PKNOX2: variants seen among roughly 807,000 people sequenced by gnomAD.
PKNOX2 encodes the protein PBX/knotted 1 homeobox 2.
PKNOX2 carries 14 observed loss-of-function variants against 53.1 expected under a neutral mutation model. The ratio of observed to expected loss-of-function variants is 0.26; its 90% CI spans 0.17 to 0.41. PKNOX2 has a LOEUF of 0.41. Among genes scored for constraint, PKNOX2 ranks in the 10% least tolerant of loss-of-function variants. The pLI, the probability that PKNOX2 is intolerant of heterozygous loss-of-function variation, is 1.00. For synonymous variants in PKNOX2, 257 were observed against 242.8 expected (o/e 1.06, Z -0.54); for missense variants, 496 against 602.8 (o/e 0.82, Z 1.85).
intron 1 of PKNOX2, among the ~76,000 whole-genome samples, chr11:125,202,227 G>A (rs1016464384): frequency 2.6e-5 from 4 of 152,130 alleles, no homozygotes; most frequent in Non-Finnish European, 5.9e-5. Flanking sequence ...CCCCCATCTC[G>A]CTGCAGACAT....
intron 2 of PKNOX2, among the ~76,000 whole-genome samples, chr11:125,263,986 C>G (rs1290924547): frequency 6.6e-6 from 1 of 152,176 alleles, no homozygotes; most frequent in Non-Finnish European, 1.5e-5. Context: ...CCATGGGAAT[C>G]CCAGTGACCT....
rs899251582 is a variant in PKNOX2, at chr11:125,389,016, G to A, written c.399+3294G>A. Among the ~76,000 whole-genome samples, 8 of 152,298 alleles carry A rather than the reference G, an allele frequency of 5.3e-5. No homozygotes were observed. In the South Asian group the frequency reaches 1.2e-3, roughly 24 times the overall value. On this transcript the variant is annotated intron_variant, in intron 6 of 12. Coordinates refer to ENST00000298282, the MANE Select transcript of PKNOX2 (RefSeq NM_001382323.2). ...TCGAGACCAGCCTGGCCAACATGGC[G>A]AAACCTCGTCTCTACTAAAGATACA...
chr11:125,336,485 T>G (rs1950436494), intron 3 of PKNOX2, among the ~76,000 whole-genome samples: 1 of 150,040 alleles, frequency 6.7e-6, no homozygotes, highest in Non-Finnish European at 1.5e-5. Context: ...TAGCATTATA[T>G]GTACTATATA....
chr11:125,272,210 G>T (rs1198928846), intron 2 of PKNOX2, among the ~76,000 whole-genome samples: 1 of 152,228 alleles, frequency 6.6e-6, no homozygotes, highest in Non-Finnish European at 1.5e-5. Flanking sequence ...GTGGGGGTGT[G>T]AGGAAAGCTC....
intron 1 of PKNOX2, among the ~76,000 whole-genome samples, chr11:125,209,780 G>A (rs553836475): frequency 6.6e-6 from 1 of 152,060 alleles, no homozygotes; most frequent in African/African-American, 2.4e-5. Context: ...CCTCTCCCAA[G>A]GCCCTGAAAA....
intron 3 of PKNOX2, among the ~76,000 whole-genome samples, chr11:125,343,705 T>C (rs1476369100): frequency 6.6e-6 from 1 of 152,098 alleles, no homozygotes; most frequent in Non-Finnish European, 1.5e-5. Context: ...CCAGAAAAGG[T>C]GTGACAGCGA....
At chr11:125,333,651 T>C (rs1950269251) in intron 3 of PKNOX2, among the ~76,000 whole-genome samples, 1 of 152,110 alleles carries the variant, frequency 6.6e-6, no homozygotes, top group Non-Finnish European at 1.5e-5. Context: ...CAGTTGACAC[T>C]ATTGCTTGGA....
intron 1 of PKNOX2, among the ~76,000 whole-genome samples, chr11:125,205,639 CCT>C (rs753873304): frequency 4.6e-5 from 7 of 151,984 alleles, no homozygotes; most frequent in Non-Finnish European, 7.4e-5. Flanking sequence ...CTAAGTAGCC[CCT>C]GTTTTTAAAT....
At chr11:125,174,844 C>T (rs11219945) in intron 1 of PKNOX2, among the ~76,000 whole-genome samples, 61,974 of 151,880 alleles carry the variant, frequency 0.41, 13,925 homozygotes, top group African/African-American at 0.61. Context: ...GCTCCTCTCC[C>T]GGCCCCTCTC....
chr11:125,406,292 C>T (rs1471611196), intron 7 of PKNOX2, among the ~76,000 whole-genome samples: 3 of 152,208 alleles, frequency 2.0e-5, no homozygotes, highest in Admixed American at 6.5e-5. Context: ...GACTGGAAAT[C>T]GCAGCCAAGT....
At chr11:125,208,623 G>T (rs1939442102) in intron 1 of PKNOX2, among the ~76,000 whole-genome samples, 1 of 152,084 alleles carries the variant, frequency 6.6e-6, no homozygotes, top group Non-Finnish European at 1.5e-5. Context: ...AATTGGGCCA[G>T]TTAGGGCTTA....
At chr11:125,420,960 C>A (rs1264629684) in intron 10 of PKNOX2, among the ~76,000 whole-genome samples, 1 of 152,158 alleles carries the variant, frequency 6.6e-6, no homozygotes, top group East Asian at 1.9e-4. Context: ...ATGGACCCCT[C>A]CCGACTTGAA....
intron 1 of PKNOX2, among the ~76,000 whole-genome samples, chr11:125,175,884 G>T (rs996456719): frequency 2.0e-5 from 3 of 152,222 alleles, no homozygotes; most frequent in Admixed American, 2.0e-4. Flanking sequence ...AAATGACAGC[G>T]CCTACACCGT....
chr11:125,193,076 C>T lies in PKNOX2; in HGVS notation c.-201+28300C>T, dbSNP rs542133476. Among the ~76,000 whole-genome samples, 6 of 152,304 alleles carry T rather than the reference C, an allele frequency of 3.9e-5. No individual in the cohort carries two copies. The East Asian group carries it at 9.6e-4, about 24-fold the overall frequency. On this transcript the variant is annotated intron_variant, in intron 1 of 12. Coordinates refer to ENST00000298282, the MANE Select transcript of PKNOX2 (RefSeq NM_001382323.2). ...GGGCTCTGCCATTGAGTTTGAGGGACGACCTGTCTCGCTAGATAGATTACA... is the reference window on the plus strand; with the variant it reads ...GGGCTCTGCCATTGAGTTTGAGGGATGACCTGTCTCGCTAGATAGATTACA...
intron 1 of PKNOX2, among the ~76,000 whole-genome samples, chr11:125,179,259 G>A (rs1340767673): frequency 1.3e-5 from 2 of 152,226 alleles, no homozygotes; most frequent in African/African-American, 4.8e-5. Context: ...AGGGTTCACA[G>A]TTAGATGGCG....
intron 7 of PKNOX2, among the ~76,000 whole-genome samples, chr11:125,401,766 A>AGAGTGTGT (rs1555170945): frequency 0.015 from 2,255 of 149,292 alleles, 87 homozygotes; most frequent in Admixed American, 0.096. Flanking sequence ...GGAGCTTGTG[A>AGAGTGTGT]GTGTGTGTGT....
At chr11:125,306,654 A>G (rs984532297) in intron 2 of PKNOX2, among the ~76,000 whole-genome samples, 2 of 152,208 alleles carry the variant, frequency 1.3e-5, no homozygotes, top group Admixed American at 6.5e-5. Flanking sequence ...AGCAAATGTT[A>G]TGGAGGAATA....
chr11:125,172,284 G>A (rs762506749), intron 1 of PKNOX2, among the ~76,000 whole-genome samples: 20 of 152,306 alleles, frequency 1.3e-4, no homozygotes, highest in South Asian at 2.1e-4. Context: ...AGGGATTTCC[G>A]AGCAGACCTT....
intron 8 of PKNOX2, 24 bp downstream of exon 8, chr11:125,410,349 T>C (rs762099172): frequency 3.7e-6 from 6 of 1,611,384 alleles, no homozygotes; most frequent in Non-Finnish European, 4.2e-6. Context: ...CTGGGAAGGG[T>C]GATTGTGGGA....
Sources: gnomAD v4.1 joint callset for allele counts (sites outside exome capture counted in the v4.1 genomes callset) on GRCh38, gnomAD v4.1.1 for gene constraint, MANE v1.5 for transcripts, NCBI Gene and HGNC (gene_info 2026-07-23, HGNC 2026-07-21) for gene names.